The following CPE variants were observed in gnomAD, a reference collection of about 807,000 sequenced individuals.
The protein encoded by CPE is carboxypeptidase E, also known as carbocypeptidase E.
A neutral mutation model predicts 53.5 loss-of-function variants in CPE; 17 were observed. The ratio of observed to expected loss-of-function variants is 0.32; its 90% CI spans 0.22 to 0.48. CPE has a LOEUF of 0.48. CPE is among the 20% of genes least tolerant of loss of function. CPE has a pLI of 0.99. For synonymous variants in CPE, 226 were observed against 228.8 expected, an observed-to-expected ratio of 0.99 and a Z score of 0.11; for missense variants, 524 against 614.7, an observed-to-expected ratio of 0.85 and a Z score of 1.56.
intron 3 of CPE, among the ~76,000 whole-genome samples, chr4:165,469,844 A>G (rs1282200657): frequency 6.6e-6 from 1 of 152,228 alleles, no homozygotes; most frequent in Non-Finnish European, 1.5e-5. Flanking sequence ...AAAGAGGGCC[A>G]CTGCAAGTAA....
intron 1 of CPE, among the ~76,000 whole-genome samples, chr4:165,410,230 G>A: frequency 6.9e-6 from 1 of 145,132 alleles, no homozygotes; most frequent in Non-Finnish European, 1.5e-5. Flanking sequence ...ACCTGACAGA[G>A]GGATACTCTG....
intron 1 of CPE, among the ~76,000 whole-genome samples, chr4:165,388,736 A>C (rs924055870): frequency 4.7e-5 from 7 of 148,788 alleles, no homozygotes; most frequent in Non-Finnish European, 1.0e-4. Flanking sequence ...GAAAATGTTA[A>C]AGACATTTGC....
chr4:165,478,528 G>A (rs113350873), intron 3 of CPE, among the ~76,000 whole-genome samples: 5 of 152,114 alleles, frequency 3.3e-5, no homozygotes, highest in Non-Finnish European at 7.4e-5. Context: ...TTCAAGAACA[G>A]TTTCTTTTAA....
At position 165,407,195 on chromosome 4, in the gene CPE, A is replaced by G. The variant is rs562478622; in HGVS notation, c.307+27667A>G. ...GTTTTCCAAAATGACTACACCATTT[A>G]CATTCCCATCGGCAGTGTACAAAGG... is the stretch of plus-strand genomic sequence containing the variant. On this transcript the variant is annotated intron_variant, in intron 1 of 8. Coordinates refer to ENST00000402744, the MANE Select transcript of CPE (RefSeq NM_001873.4). Among the ~76,000 whole-genome samples the G allele has an allele frequency of 2.4e-3, 365 of 152,304 alleles. 2 individuals are homozygous for G. Among genetic ancestry groups the G allele is most frequent in the African/African-American group, 8.0e-3 (334 of 41,564 alleles).
intron 3 of CPE, among the ~76,000 whole-genome samples, chr4:165,470,663 C>T (rs1190561362): frequency 1.3e-5 from 2 of 152,110 alleles, no homozygotes; most frequent in Non-Finnish European, 2.9e-5. Flanking sequence ...GCCTGACATT[C>T]CTGGTGGTTG....
chr4:165,451,171 C>A (rs1731800755), intron 1 of CPE, among the ~76,000 whole-genome samples: 1 of 152,180 alleles, frequency 6.6e-6, no homozygotes, highest in South Asian at 2.1e-4. Flanking sequence ...AGGAGCCCTG[C>A]CATATGGGAT....
chr4:165,397,999 C>T (rs1275372593), intron 1 of CPE, among the ~76,000 whole-genome samples: 7 of 142,570 alleles, frequency 4.9e-5, no homozygotes, highest in Non-Finnish European at 1.0e-4. Context: ...CTGCAGTGGG[C>T]TATGATTGCA....
intron 1 of CPE, among the ~76,000 whole-genome samples, chr4:165,420,640 T>C (rs1392036637): frequency 3.3e-5 from 5 of 152,124 alleles, no homozygotes; most frequent in African/African-American, 9.6e-5. Context: ...TTATATATCG[T>C]AATTTATTCC....
At chr4:165,483,332 A>G (rs548996148) in intron 4 of CPE, among the ~76,000 whole-genome samples, 1 of 152,284 alleles carries the variant, frequency 6.6e-6, no homozygotes, top group African/African-American at 2.4e-5. Context: ...ATTCTTTTTA[A>G]TGGCTGCTTA....
chr4:165,459,802 G>T (rs1378115226), intron 1 of CPE, among the ~76,000 whole-genome samples: 1 of 150,354 alleles, frequency 6.7e-6, no homozygotes, highest in Non-Finnish European at 1.5e-5. Context: ...TGTACTCCCA[G>T]CTACTCAGGA....
intron 1 of CPE, among the ~76,000 whole-genome samples, chr4:165,417,789 AAG>A (rs60878164): frequency 0.044 from 6,270 of 141,792 alleles, 372 homozygotes; most frequent in African/African-American, 0.13. Context: ...AAAAAAAAAA[AAG>A]ACATTAAATC....
chr4:165,385,443 C>CTT (rs70955613), intron 1 of CPE, among the ~76,000 whole-genome samples: 15,519 of 106,848 alleles, frequency 0.15, 2,800 homozygotes, highest in African/African-American at 0.4. Context: ...CAAATGTTTG[C>CTT]TTTTTTTTTT....
chr4:165,414,343 T>C (rs1029930116), intron 1 of CPE, among the ~76,000 whole-genome samples: 1 of 152,222 alleles, frequency 6.6e-6, no homozygotes, highest in Non-Finnish European at 1.5e-5. Context: ...ACATTTTTAA[T>C]AATCTTATGA....
At chr4:165,414,828 C>T (rs1360179903) in intron 1 of CPE, among the ~76,000 whole-genome samples, 1 of 151,958 alleles carries the variant, frequency 6.6e-6, no homozygotes, top group Non-Finnish European at 1.5e-5. Context: ...TACCACCTCA[C>T]ATGACCGCAG....
chr4:165,491,645 G>A (rs1732607493), intron 6 of CPE, among the ~76,000 whole-genome samples: 1 of 151,966 alleles, frequency 6.6e-6, no homozygotes, highest in Non-Finnish European at 1.5e-5. Context: ...TACTATACTG[G>A]TTGCCAATAA....
At chr4:165,394,551 A>G (rs1281701339) in intron 1 of CPE, among the ~76,000 whole-genome samples, 1 of 152,116 alleles carries the variant, frequency 6.6e-6, no homozygotes, top group African/African-American at 2.4e-5. Flanking sequence ...GGTGAATAAT[A>G]TAAATAACTA....
At chr4:165,400,887 GT>G (rs1216231514) in intron 1 of CPE, among the ~76,000 whole-genome samples, 2 of 144,524 alleles carry the variant, frequency 1.4e-5, no homozygotes, top group Non-Finnish European at 2.9e-5. Flanking sequence ...GTGACCTTAT[GT>G]CTTTGTTTCC....
At position 165,379,146 on chromosome 4, in the gene CPE, G is replaced by A; in HGVS notation, c.-76G>A. 2 of 1,177,190 alleles carry A rather than the reference G, an allele frequency of 1.7e-6. No homozygotes were observed. The highest frequency in any genetic ancestry group is 3.2e-5 in the African/African-American group (2 of 62,720). The allele number at this position is 1,177,190 out of a possible 1,614,324, so 72.9% of individuals were successfully genotyped here. A position where few individuals can be genotyped will look rare whatever the true frequency, so the allele number is the denominator to read the frequency against. On this transcript the variant is annotated 5_prime_UTR_variant, in exon 1 of 9. Coordinates refer to ENST00000402744, the MANE Select transcript of CPE (RefSeq NM_001873.4). The surrounding 1 kb of genome is among the most constrained non-coding windows in gnomAD (Gnocchi z 6.0). Reference sequence around the variant, plus strand: ...CTTGCCGCCCCCAGCAGCGCCGGCGGGCTAAGCCCAGGGCCGGGCAGACAA... The same window carrying A: ...CTTGCCGCCCCCAGCAGCGCCGGCGAGCTAAGCCCAGGGCCGGGCAGACAA...
chr4:165,486,940 A>G (rs184224825), intron 5 of CPE, among the ~76,000 whole-genome samples: 178 of 152,080 alleles, frequency 1.2e-3, no homozygotes, highest in African/African-American at 4.1e-3. Context: ...TTGTCTCATC[A>G]TTTTCCTTGA....
Sources: gnomAD v4.1 joint callset for allele counts (sites outside exome capture counted in the v4.1 genomes callset) on GRCh38, gnomAD v4.1.1 for gene constraint, Gnocchi (gnomAD v3.1) non-coding constraint, MANE v1.5 for transcripts, NCBI Gene and HGNC (gene_info 2026-07-23, HGNC 2026-07-21) for gene names.